PREX1: variants seen among roughly 807,000 people sequenced by gnomAD.
PREX1 encodes the protein phosphatidylinositol 3,4,5-trisphosphate-dependent Rac exchanger 1 protein.
In PREX1, 41 loss-of-function variants were observed where a neutral mutation model predicts 198.3. The observed-to-expected ratio is 0.21, with a 90% CI of 0.16 to 0.27. PREX1 has a LOEUF of 0.27. PREX1 is among the 10% of genes least tolerant of loss of function. PREX1 has a pLI of 1.00. For missense variants in PREX1, 1,620 were observed against 2,200.7 expected (o/e 0.74, Z 5.28); for synonymous variants, 843 against 887.2 (o/e 0.95, Z 0.89).
the PREX1 span, among the ~76,000 whole-genome samples, chr20:48,855,741 C>G: frequency 4.6e-5 from 7 of 152,066 alleles, no homozygotes; most frequent in Admixed American, 1.3e-4. Flanking sequence ...TCTACTAAAC[C>G]TACAAAATTA....
chr20:48,867,959 T>C, the PREX1 span, among the ~76,000 whole-genome samples: 1 of 151,970 alleles, frequency 6.6e-6, no homozygotes, highest in African/African-American at 2.4e-5. Flanking sequence ...TCCTACCACC[T>C]TGGCCTCCCA....
intron 33 of PREX1, among the ~76,000 whole-genome samples, chr20:48,633,307 T>C (rs1369782190): frequency 1.3e-5 from 2 of 152,220 alleles, no homozygotes; most frequent in Non-Finnish European, 2.9e-5. Flanking sequence ...AGGTGAAAAC[T>C]GGCTCGTGGG....
intron 3 of PREX1, among the ~76,000 whole-genome samples, chr20:48,736,569 T>C (rs6063314): frequency 0.071 from 10,802 of 152,246 alleles, 494 homozygotes; most frequent in South Asian, 0.18. Context: ...TTGTCTCAAA[T>C]GGGCCTAAGG....
chr20:48,658,378 A>C, intron 16 of PREX1, 150 bp from the exon 17 acceptor site: 1 of 697,578 alleles, frequency 1.4e-6, no homozygotes, highest in East Asian at 2.6e-5. Context: ...AAACGCAAAC[A>C]GCACCTGGCA....
intron 10 of PREX1, among the ~76,000 whole-genome samples, chr20:48,683,693 G>C (rs1361251499): frequency 6.6e-6 from 1 of 152,168 alleles, no homozygotes; most frequent in Non-Finnish European, 1.5e-5. Flanking sequence ...GAAGACGAAC[G>C]CATCTAACAG....
chr20:48,668,525 G>A (rs1266162038), intron 14 of PREX1, among the ~76,000 whole-genome samples: 5 of 152,198 alleles, frequency 3.3e-5, no homozygotes, highest in Non-Finnish European at 5.9e-5. Context: ...CTCCCAGAAT[G>A]AGGAGCCCTG....
At chr20:48,728,158 T>A (rs1328478119) in intron 4 of PREX1, among the ~76,000 whole-genome samples, 1 of 152,188 alleles carries the variant, frequency 6.6e-6, no homozygotes, top group Non-Finnish European at 1.5e-5. Flanking sequence ...AAATACACAT[T>A]GTGTGCTGTG....
chr20:48,876,133 T>C, the PREX1 span, among the ~76,000 whole-genome samples: 2 of 152,184 alleles, frequency 1.3e-5, no homozygotes, highest in Admixed American at 6.5e-5. Context: ...CACACGACTT[T>C]TGGGGAGGCC....
rs1240270355 is a variant in PREX1, at chr20:48,789,840, AATGGATGGACAG to A, written c.219+37790_219+37801del. ...CAGATGAACAGACGGACGGATGACA[AATGGATGGACAG>A]ATGGATGGACAGGTGGGTGGGTGGG... On this transcript the variant is annotated intron_variant, in intron 1 of 39. Coordinates refer to ENST00000371941, the MANE Select transcript of PREX1 (RefSeq NM_020820.4). Among the ~76,000 whole-genome samples the A allele has an allele frequency of 1.3e-4, 20 of 152,182 alleles. No homozygotes were observed. The East Asian group carries it at 3.7e-3, about 28-fold the overall frequency.
In PREX1 at chr20:48,637,761, A is replaced by T. The variant is rs2089376458; in HGVS notation, c.3905-9T>A. The T allele has an allele frequency of 3.7e-6, 6 of 1,607,918 alleles. No homozygotes were observed. Among genetic ancestry groups the T allele is most frequent in the Non-Finnish European group, 4.3e-6 (5 of 1,175,932 alleles). ...CAGCTGGTTCTTCCCATCTGGAAGG[A>T]GAAGGGAGACAGAAAGGGGGACGGG... On this transcript the variant is annotated splice_polypyrimidine_tract_variant and intron_variant, in intron 30 of 39. Transcript: ENST00000371941.
upstream of PREX1, among the ~76,000 whole-genome samples, chr20:48,830,088 G>C (rs1353745785): frequency 3.9e-5 from 6 of 152,174 alleles, no homozygotes; most frequent in Non-Finnish European, 5.9e-5. Flanking sequence ...TCCAGGCTGG[G>C]CACAGTGGCT....
chr20:48,680,781 C>T (rs572726803), intron 11 of PREX1, among the ~76,000 whole-genome samples: 1 of 152,178 alleles, frequency 6.6e-6, no homozygotes, highest in Non-Finnish European at 1.5e-5. Context: ...TCTTTACCCT[C>T]CTTCCCTAGC....
chr20:48,887,936 T>A, the PREX1 span, among the ~76,000 whole-genome samples: 1 of 151,712 alleles, frequency 6.6e-6, no homozygotes, highest in Non-Finnish European at 1.5e-5. Context: ...GGCGACAGAG[T>A]GAGATTCCGT....
chr20:48,680,531 C>T (rs1396341983), intron 11 of PREX1, among the ~76,000 whole-genome samples: 1 of 152,172 alleles, frequency 6.6e-6, no homozygotes, highest in Admixed American at 6.5e-5. Flanking sequence ...TGCCCTCTGA[C>T]CTCGTCTCCT....
intron 1 of PREX1, among the ~76,000 whole-genome samples, chr20:48,759,105 G>A (rs1032602106): frequency 6.6e-6 from 1 of 152,068 alleles, no homozygotes; most frequent in Non-Finnish European, 1.5e-5. Context: ...AGGCTCAAAG[G>A]CTAGAACTAG....
the PREX1 span, among the ~76,000 whole-genome samples, chr20:48,887,038 T>A: frequency 6.6e-6 from 1 of 152,244 alleles, no homozygotes; most frequent in South Asian, 2.1e-4. Flanking sequence ...TTAAGAGGAA[T>A]GGCAATGAGG....
chr20:48,662,328 G>A (rs2089603237), intron 15 of PREX1, among the ~76,000 whole-genome samples: 1 of 152,194 alleles, frequency 6.6e-6, no homozygotes, highest in Admixed American at 6.5e-5. Context: ...AAACAGCGTG[G>A]AATCCCTCAA....
At chr20:48,845,751 C>G in the PREX1 span, among the ~76,000 whole-genome samples, 14 of 149,936 alleles carry the variant, frequency 9.3e-5, no homozygotes, top group Admixed American at 2.7e-4. Flanking sequence ...ATAGCAAGTG[C>G]AAAGGCCCCA....
the PREX1 span, among the ~76,000 whole-genome samples, chr20:48,887,991 G>A: frequency 6.6e-6 from 1 of 151,814 alleles, no homozygotes; most frequent in South Asian, 2.1e-4. Context: ...ATAATAAAAT[G>A]CTGGTATTTT....
Sources: allele counts gnomAD v4.1 joint callset (sites outside exome capture counted in the v4.1 genomes callset), GRCh38; gene constraint gnomAD v4.1.1; transcripts MANE v1.5; gene names NCBI Gene and HGNC (gene_info 2026-07-23, HGNC 2026-07-21).